The following MACC1 variants were observed in gnomAD, a reference collection of about 807,000 sequenced individuals.
MACC1 encodes the protein metastasis-associated in colon cancer protein 1.
Under a neutral mutation model 70.7 loss-of-function variants are expected in MACC1, and 79 were observed. That is an observed-to-expected ratio of 1.12 (90% CI 0.93 to 1.35). The LOEUF (loss-of-function observed/expected upper bound fraction) is 1.35, where lower values mean the gene tolerates loss of function less well. Ranked by LOEUF, MACC1 falls within the 40% of genes most tolerant of loss-of-function variation. The pLI is 0.00. For missense variants in MACC1, 1,106 were observed against 978.1 expected (o/e 1.13, Z -1.74); for synonymous variants, 361 against 347.2 (o/e 1.04, Z -0.44).
At chr7:20,142,845 A>G (rs1251876570) in intron 6 of MACC1, among the ~76,000 whole-genome samples, 1 of 152,230 alleles carries the variant, frequency 6.6e-6, no homozygotes, top group Non-Finnish European at 1.5e-5. Context: ...GAACTGGTTC[A>G]AATTGTCACG....
chr7:20,163,152 A>G (rs1382091773), intron 3 of MACC1, among the ~76,000 whole-genome samples: 2 of 152,188 alleles, frequency 1.3e-5, no homozygotes, highest in African/African-American at 2.4e-5. Context: ...TGGAAACACA[A>G]TGGCCCCTAG....
At chr7:20,154,123 G>A (rs1782020656) in intron 6 of MACC1, 70 bp downstream of exon 6, 3 of 1,504,572 alleles carry the variant, frequency 2.0e-6, no homozygotes, top group Admixed American at 1.7e-5. Context: ...AATGTGGTAT[G>A]GGTTTGATTA....
At chr7:20,213,646 C>G (rs1354095347) in intron 1 of MACC1, among the ~76,000 whole-genome samples, 3 of 151,984 alleles carry the variant, frequency 2.0e-5, no homozygotes, top group Non-Finnish European at 4.4e-5. Context: ...GGGCTGGAGG[C>G]TATCATAAAC....
chr7:20,216,908 T>C (rs537576678), intron 1 of MACC1, among the ~76,000 whole-genome samples: 7 of 152,328 alleles, frequency 4.6e-5, no homozygotes, highest in African/African-American at 1.4e-4. Flanking sequence ...TTATCTATCT[T>C]CAAAGCACAG....
chr7:20,217,192 T>G (rs1358393937), intron 1 of MACC1, 107 bp downstream of exon 1: 2 of 152,258 alleles, frequency 1.3e-5, no homozygotes, highest in Non-Finnish European at 2.9e-5. Context: ...GGGCTTGATT[T>G]GTTAAGCAGC....
intron 1 of MACC1, among the ~76,000 whole-genome samples, chr7:20,174,185 G>A (rs1782357914): frequency 3.3e-5 from 5 of 152,134 alleles, no homozygotes; most frequent in Admixed American, 3.3e-4. Flanking sequence ...AAAATTAAAT[G>A]ATAATGCAAT....
intron 5 of MACC1, among the ~76,000 whole-genome samples, chr7:20,155,209 A>G (rs948199304): frequency 2.0e-5 from 3 of 152,180 alleles, no homozygotes; most frequent in Non-Finnish European, 2.9e-5. Context: ...GAGCAAATAG[A>G]GTAGCTCCCC....
chr7:20,153,943 A>T (rs925098047), intron 6 of MACC1, among the ~76,000 whole-genome samples: 1 of 152,162 alleles, frequency 6.6e-6, no homozygotes, highest in African/African-American at 2.4e-5. Flanking sequence ...CAATTAATTC[A>T]TTGATCAAAG....
In MACC1 at chr7:20,140,951, C is replaced by G. The variant is rs1354843633; in HGVS notation, c.2554G>C (p.Val852Leu). 1 of 1,610,262 alleles carries G rather than the reference C, an allele frequency of 6.2e-7. No individual in the cohort carries two copies. The highest frequency in any genetic ancestry group is 8.5e-7 in the Non-Finnish European group (1 of 1,177,610). ...RVTAFSTSEE[V>L] ...CAAAAACACACGCTTTGTTTCTATA[C>G]TTCCTCAGAAGTGGAGAATGCAGTT... is the stretch of plus-strand genomic sequence containing the variant. The change falls in exon 7 of 7, where the codon GTA becomes CTA. Residue 852 changes from valine (V) to leucine (L), a missense_variant. Transcript: ENST00000400331.
rs372836428 is a variant in MACC1 at position 20,158,212 on chromosome 7, G to T, written c.2149C>A (p.Leu717Ile). The change falls in exon 5 of 7, where the codon CTT becomes ATT. Residue 717 changes from leucine (L) to isoleucine (I), a missense_variant. Physicochemically the swap from Leu to Ile is conservative, Grantham distance 5. Transcript: ENST00000400331. Reference protein sequence around the residue: ...ERNTRKFLYELIVALLKMDCQ... With the variant: ...ERNTRKFLYEIIVALLKMDCQ... Reference sequence around the variant, plus strand: ...GATCAAGCAATACTCACCACAATAAGTTCATACAGAAACTTCCTTGTATTT... The same window carrying T: ...GATCAAGCAATACTCACCACAATAATTTCATACAGAAACTTCCTTGTATTT... The T allele has an allele frequency of 3.7e-5, 58 of 1,573,286 alleles. No homozygotes were observed. Among genetic ancestry groups the T allele is most frequent in the Non-Finnish European group, 4.5e-5 (52 of 1,166,382 alleles).
chr7:20,212,298 C>G (rs1213811083), intron 1 of MACC1, among the ~76,000 whole-genome samples: 3 of 152,112 alleles, frequency 2.0e-5, no homozygotes, highest in Non-Finnish European at 4.4e-5. Flanking sequence ...AGAAAACATA[C>G]AAAACTCTTC....
chr7:20,170,336 A>G (rs986874119), intron 2 of MACC1: 2 of 152,230 alleles, frequency 1.3e-5, no homozygotes, highest in Non-Finnish European at 2.9e-5. Flanking sequence ...CCCAATGAAC[A>G]TCAGTTGCTG....
At chr7:20,175,967 G>T (rs1429803522) in intron 1 of MACC1, among the ~76,000 whole-genome samples, 2 of 151,986 alleles carry the variant, frequency 1.3e-5, no homozygotes, top group South Asian at 2.1e-4. Context: ...TTAGAAGTGG[G>T]TTCTACAACT....
At chr7:20,203,374 C>G (rs1405136509) in intron 1 of MACC1, among the ~76,000 whole-genome samples, 1 of 152,184 alleles carries the variant, frequency 6.6e-6, no homozygotes, top group East Asian at 1.9e-4. Context: ...TTTGACCCTC[C>G]TTTCGAGAAC....
At chr7:20,210,173 T>C (rs1215887228) in intron 1 of MACC1, among the ~76,000 whole-genome samples, 1 of 152,244 alleles carries the variant, frequency 6.6e-6, no homozygotes, top group Non-Finnish European at 1.5e-5. Flanking sequence ...GATTTGTAGA[T>C]TTTCTATAGT....
In MACC1 at chr7:20,171,255, CTTT is replaced by C. The variant is rs60086169; in HGVS notation, c.-217-480_-217-478del. On this transcript the variant is annotated intron_variant, in intron 1 of 6. Transcript: ENST00000400331. ...AGAAACTGGAAGATTATTTTATTTT[CTTT>C]TTTTTTTTTTTGAGGTGGAGTCTTG... Among the ~76,000 whole-genome samples, 1,139 of 144,096 alleles carry C rather than the reference CTTT, an allele frequency of 7.9e-3. 24 individuals carry two copies. Among genetic ancestry groups the C allele is most frequent in the East Asian group, 0.04 (194 of 4,894 alleles). The allele number at this position is 144,096 out of a possible 152,430, so 94.5% of individuals were successfully genotyped here. A position where few individuals can be genotyped will look rare whatever the true frequency, so the allele number is the denominator to read the frequency against.
chr7:20,201,058 A>G (rs1782825937), intron 1 of MACC1, among the ~76,000 whole-genome samples: 1 of 152,192 alleles, frequency 6.6e-6, no homozygotes, highest in East Asian at 1.9e-4. Flanking sequence ...CTAAAGGGAG[A>G]GAAGTGGTAC....
chr7:20,188,609 C>A (rs776299871), intron 1 of MACC1, among the ~76,000 whole-genome samples: 2 of 152,136 alleles, frequency 1.3e-5, no homozygotes, highest in Admixed American at 6.5e-5. Context: ...CAGGCACACA[C>A]ACAAAGTACT....
intron 1 of MACC1, among the ~76,000 whole-genome samples, chr7:20,216,050 T>C (rs1237677544): frequency 6.6e-6 from 1 of 152,126 alleles, no homozygotes; most frequent in Non-Finnish European, 1.5e-5. Context: ...CTATTATGAA[T>C]AAAAGATAAT....
Sources: allele counts gnomAD v4.1 joint callset (sites outside exome capture counted in the v4.1 genomes callset), GRCh38; gene constraint gnomAD v4.1.1; transcripts MANE v1.5; gene names NCBI Gene and HGNC (gene_info 2026-07-23, HGNC 2026-07-21).